The following LAMC1 variants were observed in gnomAD, a reference collection of about 807,000 sequenced individuals.
The protein encoded by LAMC1 is laminin subunit gamma 1.
Under a neutral mutation model 173.6 loss-of-function variants are expected in LAMC1, and 38 were observed. The observed-to-expected ratio is 0.22, with a 90% CI of 0.17 to 0.29. LAMC1 has a LOEUF of 0.29. Among genes scored for constraint, LAMC1 ranks in the 10% least tolerant of loss-of-function variants. The pLI is 1.00. For synonymous variants in LAMC1, 746 were observed against 749.1 expected (o/e 1.00, Z 0.07); for missense variants, 1,824 against 2,051.8 (o/e 0.89, Z 2.14).
intron 21 of LAMC1, among the ~76,000 whole-genome samples, chr1:183,133,033 C>T (rs989737199): frequency 3.3e-5 from 5 of 152,124 alleles, no homozygotes; most frequent in African/African-American, 7.2e-5. Flanking sequence ...GCCTCGGCCT[C>T]CTGAGTAGCT....
At chr1:183,128,170 A>G (rs1241825323) in intron 17 of LAMC1, among the ~76,000 whole-genome samples, 1 of 152,172 alleles carries the variant, frequency 6.6e-6, no homozygotes, top group African/African-American at 2.4e-5. Flanking sequence ...TTTGGATGTT[A>G]AGTTTGAGAT....
intron 26 of LAMC1, chr1:183,138,213 T>G (rs1378845220): frequency 1.0e-6 from 1 of 976,446 alleles, no homozygotes; most frequent in Non-Finnish European, 1.2e-6. Context: ...AAGACAAGTT[T>G]CTTGTATATA....
At position 183,054,685 on chromosome 1, in the gene LAMC1, A is replaced by G. The variant is rs1000185235; in HGVS notation, c.418+30551A>G. 2.0e-5 allele frequency among the ~76,000 whole-genome samples: 3 copies of G among 152,178 alleles called. No homozygotes were observed. The East Asian group carries it at 5.8e-4, about 29-fold the overall frequency. ...AGTTTACTTAGGTGAAAAACAGGAC[A>G]TTTTATTTCTTTAGTGTCTACTTTA... On this transcript the variant is annotated intron_variant, in intron 1 of 27. Transcript: ENST00000258341.
chr1:183,092,011 A>G (rs138429763), intron 1 of LAMC1, among the ~76,000 whole-genome samples: 2 of 152,320 alleles, frequency 1.3e-5, no homozygotes, highest in African/African-American at 4.8e-5. Flanking sequence ...AAGTCGAATG[A>G]TAGAGGAAAT....
chr1:183,066,309 A>G (rs994117869), intron 1 of LAMC1, among the ~76,000 whole-genome samples: 1 of 152,216 alleles, frequency 6.6e-6, no homozygotes, highest in Non-Finnish European at 1.5e-5. Flanking sequence ...AGCATCTGCC[A>G]TGCTGGAGAG....
chr1:183,091,543 C>CTAATT (rs1655567243), intron 1 of LAMC1, among the ~76,000 whole-genome samples: 1 of 152,080 alleles, frequency 6.6e-6, no homozygotes, highest in African/African-American at 2.4e-5. Flanking sequence ...GAACATCTGG[C>CTAATT]ACTTCGTACT....
intron 1 of LAMC1, among the ~76,000 whole-genome samples, chr1:183,026,352 G>A (rs542604078): frequency 6.6e-6 from 1 of 152,268 alleles, no homozygotes; most frequent in East Asian, 1.9e-4. Context: ...AGTGGAGGAG[G>A]TGGGAAGGGG....
At position 183,144,007 on chromosome 1, in the gene LAMC1, A is replaced by G. The variant is rs1657189019; in HGVS notation, c.*1217A>G. On this transcript the variant is annotated 3_prime_UTR_variant, in exon 28 of 28. Transcript: ENST00000258341. ...CGAGTTCCTGCACTTTGTGATTTAA[A>G]TCCACTCTAAACCTTCCCTCTAAGT... 6.6e-6 allele frequency: 1 copy of G among 152,378 alleles called. No individual in the cohort carries two copies. The highest frequency in any genetic ancestry group is 1.5e-5 in the Non-Finnish European group (1 of 68,034). 9.4% of individuals were successfully genotyped at this position (152,378 alleles called of 1,614,324 possible).
intron 1 of LAMC1, among the ~76,000 whole-genome samples, chr1:183,050,930 AC>A (rs1654410585): frequency 6.6e-6 from 1 of 151,366 alleles, no homozygotes; most frequent in Non-Finnish European, 1.5e-5. Context: ...GAATTAAAAG[AC>A]GTGGATATTT....
At chr1:183,114,759 T>G (rs1656273247) in intron 5 of LAMC1, 40 bp downstream of exon 5, 20 of 1,580,964 alleles carry the variant, frequency 1.3e-5, no homozygotes, top group Non-Finnish European at 1.6e-5. Flanking sequence ...AAAATGATAG[T>G]TCCGTGGACC....
At chr1:183,125,662 A>T (rs747808488) in intron 15 of LAMC1, 112 bp downstream of exon 15, 3 of 794,894 alleles carry the variant, frequency 3.8e-6, no homozygotes, top group Middle Eastern at 2.9e-4. Flanking sequence ...GGAGCGCCTA[A>T]TGTAGGCAAG....
rs780129559 is a variant in LAMC1, at chr1:183,124,866, C to T, written c.2637C>T (p.Asp879=). Residue 879 remains aspartate, a synonymous_variant, in exon 14 of 28, where the codon GAC becomes GAT. Transcript: ENST00000258341. ...ATCCCCTGGCTCCCAATCCAGCAGA[C>T]AAATGCAAAGGTAATCAGCCTTTGA... The part of the protein sequence containing the change: ...FGNPLAPNPA[D]KCKACNCNLY... The T allele has an allele frequency of 6.2e-7, 1 of 1,614,064 alleles. No homozygotes were observed. Among genetic ancestry groups the T allele is most frequent in the Admixed American group, 1.7e-5 (1 of 60,024 alleles).
At chr1:183,062,510 G>T (rs1466225405) in intron 1 of LAMC1, among the ~76,000 whole-genome samples, 1 of 152,072 alleles carries the variant, frequency 6.6e-6, no homozygotes, top group East Asian at 1.9e-4. Context: ...AAATTATCTG[G>T]GCGTGGTGGG....
intron 1 of LAMC1, among the ~76,000 whole-genome samples, chr1:183,072,732 C>G (rs1197425391): frequency 1.3e-5 from 2 of 152,178 alleles, no homozygotes; most frequent in Non-Finnish European, 2.9e-5. Flanking sequence ...AGCCACTCCC[C>G]GTTGCTTGCC....
chr1:183,110,364 G>A, intron 3 of LAMC1, 124 bp from the exon 4 acceptor site: 1 of 658,854 alleles, frequency 1.5e-6, no homozygotes. Context: ...ACTTAATCTT[G>A]CTCAGTTCCC....
chr1:183,056,815 C>A (rs1004709235), intron 1 of LAMC1, among the ~76,000 whole-genome samples: 1 of 152,146 alleles, frequency 6.6e-6, no homozygotes, highest in Non-Finnish European at 1.5e-5. Context: ...AACACCAAAA[C>A]CTGGAAATAG....
intron 11 of LAMC1, among the ~76,000 whole-genome samples, chr1:183,121,226 C>G (rs1033534527): frequency 6.6e-6 from 1 of 150,384 alleles, no homozygotes; most frequent in African/African-American, 2.5e-5. Context: ...CGAGACCAGC[C>G]TGGCCAACAT....
At chr1:183,078,506 T>C (rs988525167) in intron 1 of LAMC1, among the ~76,000 whole-genome samples, 1 of 149,788 alleles carries the variant, frequency 6.7e-6, no homozygotes, top group Non-Finnish European at 1.5e-5. Context: ...GGCATGAACC[T>C]GGGAGGTGGA....
chr1:183,110,297 G>A lies in LAMC1; in HGVS notation c.855-191G>A, dbSNP rs1656107453. Among the ~76,000 whole-genome samples, 4 of 152,118 alleles carry A rather than the reference G, an allele frequency of 2.6e-5. No homozygotes were observed. In the South Asian group the frequency reaches 8.3e-4, roughly 32 times the overall value. The stretch of plus-strand genomic sequence containing the variant: ...TCATACCTGGTTAATCCCTACCCCT[G>A]TTAAGTAAAGCTACCTTGTTTAATT... On this transcript the variant is annotated intron_variant, in intron 3 of 27. Transcript: ENST00000258341.
Sources: allele counts gnomAD v4.1 joint callset (sites outside exome capture counted in the v4.1 genomes callset), GRCh38; gene constraint gnomAD v4.1.1; transcripts MANE v1.5; gene names NCBI Gene and HGNC (gene_info 2026-07-23, HGNC 2026-07-21).